Variants in CLSTN2 observed in about 807,000 individuals in gnomAD.
CLSTN2 encodes calsyntenin 2, also known as calsyntenin-2.
A neutral mutation model predicts 101.2 loss-of-function variants in CLSTN2; 48 were observed. The observed-to-expected ratio is 0.47, with a 90% confidence interval of 0.38 to 0.60. The LOEUF is 0.60. Among genes scored for constraint, CLSTN2 ranks in the 20% least tolerant of loss-of-function variants. CLSTN2 has a pLI of 0.00. For synonymous variants in CLSTN2, 481 were observed against 463.6 expected (o/e 1.04, Z -0.48); for missense variants, 1,160 against 1,238.2 (o/e 0.94, Z 0.95).
At chr3:140,328,927 G>C (rs1046075135) in intron 2 of CLSTN2, among the ~76,000 whole-genome samples, 4 of 151,942 alleles carry the variant, frequency 2.6e-5, no homozygotes, top group African/African-American at 9.7e-5. Context: ...GTTATTATGA[G>C]GTTGTCAAAA....
chr3:140,390,976 A>C (rs2107970471), intron 2 of CLSTN2, among the ~76,000 whole-genome samples: 1 of 152,240 alleles, frequency 6.6e-6, no homozygotes, highest in African/African-American at 2.4e-5. Flanking sequence ...ACTTGGTTAA[A>C]CTCAAACTGC....
At chr3:140,477,886 G>A (rs1934021759) in intron 8 of CLSTN2, among the ~76,000 whole-genome samples, 1 of 152,212 alleles carries the variant, frequency 6.6e-6, no homozygotes. Context: ...ACATGGTTCA[G>A]AAGAATAAAA....
chr3:140,021,862 A>G (rs1429236643), intron 1 of CLSTN2, among the ~76,000 whole-genome samples: 1 of 152,196 alleles, frequency 6.6e-6, no homozygotes, highest in African/African-American at 2.4e-5. Flanking sequence ...GAGCCATTGA[A>G]TGTTAACAAT....
At chr3:140,221,742 T>A (rs2086275090) in intron 2 of CLSTN2, among the ~76,000 whole-genome samples, 1 of 152,166 alleles carries the variant, frequency 6.6e-6, no homozygotes, top group African/African-American at 2.4e-5. Flanking sequence ...GTGCTCAACA[T>A]CATTGATCAT....
chr3:140,300,698 A>C (rs1274630909), intron 2 of CLSTN2, among the ~76,000 whole-genome samples: 1 of 152,154 alleles, frequency 6.6e-6, no homozygotes, highest in Non-Finnish European at 1.5e-5. Flanking sequence ...CTTTCAACTC[A>C]AGATATCTTT....
chr3:140,087,109 G>C (rs1298003384), intron 1 of CLSTN2, among the ~76,000 whole-genome samples: 1 of 152,074 alleles, frequency 6.6e-6, no homozygotes, highest in Non-Finnish European at 1.5e-5. Flanking sequence ...ATGGAGGGAA[G>C]AGGATCATAG....
intron 2 of CLSTN2, among the ~76,000 whole-genome samples, chr3:140,391,344 G>A: frequency 8.0e-6 from 1 of 124,494 alleles, no homozygotes; most frequent in Non-Finnish European, 1.6e-5. Context: ...TTTAATCACT[G>A]TCTAGAGCCC....
rs140980992 is a variant in CLSTN2 at position 140,013,952 on chromosome 3, C to T, written c.109+78469C>T. 6.1e-3 allele frequency among the ~76,000 whole-genome samples: 936 copies of T among 152,338 alleles called. 6 individuals are homozygous for T. Among genetic ancestry groups the T allele is most frequent in the Non-Finnish European group, 8.6e-3 (586 of 68,030 alleles). ...AACTCCCCAGGGAATCTGGACATTA[C>T]ACCAACTATGTAAGTCATCCCTTGT... On this transcript the variant is annotated intron_variant, in intron 1 of 16. Transcript: ENST00000458420.
chr3:140,402,319 G>A (rs1038440327), intron 2 of CLSTN2, among the ~76,000 whole-genome samples: 1 of 152,196 alleles, frequency 6.6e-6, no homozygotes, highest in African/African-American at 2.4e-5. Flanking sequence ...AAAGTACATG[G>A]ACTTAGGAAT....
intron 10 of CLSTN2, among the ~76,000 whole-genome samples, chr3:140,547,176 C>G (rs1382186916): frequency 6.6e-6 from 1 of 152,144 alleles, no homozygotes; most frequent in African/African-American, 2.4e-5. Flanking sequence ...CTTCAAGGCA[C>G]AAGAAACATG....
intron 1 of CLSTN2, among the ~76,000 whole-genome samples, chr3:140,017,134 C>T (rs1035445040): frequency 1.3e-5 from 2 of 152,118 alleles, no homozygotes; most frequent in African/African-American, 4.8e-5. Context: ...TTGTGTGGCT[C>T]GCTGTGGATC....
intron 1 of CLSTN2, among the ~76,000 whole-genome samples, chr3:140,036,301 A>AAGG (rs2007651391): frequency 6.6e-6 from 1 of 152,202 alleles, no homozygotes; most frequent in African/African-American, 2.4e-5. Context: ...CCATGTCATT[A>AAGG]ATTAAAACAA....
chr3:140,488,957 G>C (rs990548003), intron 8 of CLSTN2, among the ~76,000 whole-genome samples: 7 of 152,126 alleles, frequency 4.6e-5, no homozygotes, highest in Non-Finnish European at 8.8e-5. Context: ...CTATTATCCT[G>C]TGTTCTTCAA....
intron 1 of CLSTN2, among the ~76,000 whole-genome samples, chr3:140,136,862 A>T (rs73868744): frequency 0.037 from 5,590 of 152,154 alleles, 221 homozygotes; most frequent in African/African-American, 0.1. Flanking sequence ...GCTGAGTTTA[A>T]CCTCAGGTAT....
intron 1 of CLSTN2, among the ~76,000 whole-genome samples, chr3:140,071,689 G>T (rs1560086138): frequency 1.3e-5 from 2 of 152,058 alleles, no homozygotes; most frequent in Non-Finnish European, 2.9e-5. Context: ...AAATTAGCCG[G>T]GCGTGGTGGC....
intron 2 of CLSTN2, among the ~76,000 whole-genome samples, chr3:140,224,870 A>G (rs1471468942): frequency 4.6e-5 from 7 of 152,202 alleles, no homozygotes; most frequent in Non-Finnish European, 8.8e-5. Flanking sequence ...ATACTAAGCT[A>G]GAGATTAGAG....
intron 2 of CLSTN2, among the ~76,000 whole-genome samples, chr3:140,210,232 C>T (rs2010837644): frequency 6.6e-6 from 1 of 152,154 alleles, no homozygotes; most frequent in African/African-American, 2.4e-5. Flanking sequence ...CAGAATCTTA[C>T]CTTCAGTTTG....
intron 2 of CLSTN2, among the ~76,000 whole-genome samples, chr3:140,388,288 AG>A (rs2088075741): frequency 1.3e-5 from 2 of 152,252 alleles, no homozygotes; most frequent in South Asian, 4.1e-4. Context: ...CACTTTTAGG[AG>A]GAAAATACCA....
chr3:140,214,513 A>T (rs1039459114), intron 2 of CLSTN2, among the ~76,000 whole-genome samples: 1 of 152,146 alleles, frequency 6.6e-6, no homozygotes, highest in Non-Finnish European at 1.5e-5. Context: ...TGAGTAGGTG[A>T]TCAGTATTCT....
Sources: gnomAD v4.1 joint callset for allele counts (sites outside exome capture counted in the v4.1 genomes callset) on GRCh38, gnomAD v4.1.1 for gene constraint, MANE v1.5 for transcripts, NCBI Gene and HGNC (gene_info 2026-07-23, HGNC 2026-07-21) for gene names.